The following HK1 variants were observed in gnomAD, a reference collection of about 807,000 sequenced individuals.
The protein encoded by HK1 is hexokinase-1.
A neutral mutation model predicts 91.6 loss-of-function variants in HK1; 28 were observed. That is an observed-to-expected ratio of 0.31 (90% confidence interval 0.23 to 0.42). The LOEUF is 0.42. Ranked by LOEUF, HK1 falls within the 10% of genes least tolerant of loss-of-function variation. The pLI is 1.00. For synonymous variants in HK1, 430 were observed against 468.1 expected (o/e 0.92, Z 1.05); for missense variants, 770 against 1,219.8 (o/e 0.63, Z 5.49).
chr10:69,349,893 T>C (rs1015050733), intron 2 of HK1, among the ~76,000 whole-genome samples: 1 of 152,212 alleles, frequency 6.6e-6, no homozygotes, highest in Non-Finnish European at 1.5e-5. Flanking sequence ...AAAAAGAGAA[T>C]TCTAGTTTCC....
intron 1 of HK1, among the ~76,000 whole-genome samples, chr10:69,341,481 T>C (rs551515185): frequency 2.3e-4 from 35 of 151,990 alleles, no homozygotes; most frequent in African/African-American, 8.2e-4. Context: ...TTTTTTTTTT[T>C]TTAGAGACAG....
At chr10:69,273,489 T>C (rs866234883) in intron 1 of HK1, among the ~76,000 whole-genome samples, 6 of 152,226 alleles carry the variant, frequency 3.9e-5, no homozygotes, top group South Asian at 2.1e-4. Context: ...GTGCTAGGAT[T>C]ACAGGCATGA....
chr10:69,281,287 C>T (rs1844734812), intron 1 of HK1, among the ~76,000 whole-genome samples: 1 of 152,214 alleles, frequency 6.6e-6, no homozygotes, highest in Admixed American at 6.5e-5. Context: ...CCACCTAATG[C>T]TGTTGTTACT....
chr10:69,394,847 C>T (rs550721866), intron 15 of HK1, 103 bp from the exon 16 acceptor site: 36 of 1,155,512 alleles, frequency 3.1e-5, no homozygotes, highest in Non-Finnish European at 4.1e-5. Flanking sequence ...GTTGATGATG[C>T]GCTTGAGGGG....
chr10:69,297,109 C>T (rs759838734), intron 4 of HK1, among the ~76,000 whole-genome samples: 18 of 152,326 alleles, frequency 1.2e-4, no homozygotes, highest in South Asian at 4.1e-4. Context: ...ACTGCTAAAA[C>T]TACTGTTGAC....
At chr10:69,310,420 CAAAAAAAAAA>C (rs745830600) in intron 5 of HK1, among the ~76,000 whole-genome samples, 1 of 85,386 alleles carries the variant, frequency 1.2e-5, no homozygotes, top group East Asian at 3.6e-4. Context: ...GACTTTGTCT[CAAAAAAAAAA>C]AAAAAAAAAA....
intron 1 of HK1, among the ~76,000 whole-genome samples, chr10:69,339,888 A>G (rs1848206336): frequency 6.6e-6 from 1 of 152,232 alleles, no homozygotes; most frequent in African/African-American, 2.4e-5. Flanking sequence ...GCTTTGAACT[A>G]ATCACTTAGC....
chr10:69,386,471 A>G, intron 13 of HK1, 53 bp downstream of exon 13: 1 of 1,412,044 alleles, frequency 7.1e-7, no homozygotes, highest in Non-Finnish European at 9.9e-7. Flanking sequence ...GGGGCTTCTA[A>G]AAAGTGTATT....
intron 1 of HK1, among the ~76,000 whole-genome samples, chr10:69,324,627 T>C (rs971678671): frequency 6.6e-6 from 1 of 152,188 alleles, no homozygotes; most frequent in African/African-American, 2.4e-5. Context: ...GTGTTATATG[T>C]GCAAAGCATA....
chr10:69,381,542 TA>T (rs1187833363), intron 9 of HK1, among the ~76,000 whole-genome samples: 2 of 148,392 alleles, frequency 1.3e-5, no homozygotes, highest in African/African-American at 2.6e-5. Flanking sequence ...TATATCATCT[TA>T]ACCTTTTTTT....
At chr10:69,313,189 G>A (rs1189862824), upstream of HK1, among the ~76,000 whole-genome samples, 1 of 152,218 alleles carries the variant, frequency 6.6e-6, no homozygotes, top group Non-Finnish European at 1.5e-5. Flanking sequence ...CTTTTTGCCG[G>A]TAAATTCCCA....
chr10:69,291,103 T>G (rs1298020550), intron 3 of HK1, among the ~76,000 whole-genome samples: 1 of 152,232 alleles, frequency 6.6e-6, no homozygotes, highest in Non-Finnish European at 1.5e-5. Context: ...GCCCCCTTCT[T>G]GTGCCCCTGC....
intron 1 of HK1, among the ~76,000 whole-genome samples, chr10:69,341,285 C>T (rs993713328): frequency 8.6e-5 from 13 of 152,006 alleles, no homozygotes; most frequent in African/African-American, 2.9e-4. Flanking sequence ...CCTCAGTCTC[C>T]CGAGTAGCTG....
intron 17 of HK1, 55 bp from the exon 18 acceptor site, chr10:69,400,936 G>A: frequency 6.2e-7 from 1 of 1,603,210 alleles, no homozygotes. Flanking sequence ...TTTTCGGGTA[G>A]GCCCAGCGTC....
intron 2 of HK1, among the ~76,000 whole-genome samples, chr10:69,286,763 G>C (rs1350951712): frequency 1.3e-5 from 2 of 151,996 alleles, no homozygotes; most frequent in African/African-American, 4.8e-5. Context: ...GGTCAGGCTG[G>C]TCTCGAACTC....
Position 69,283,688 on chromosome 10 carries a change from C to T in HK1, c.-215+984C>T, listed in dbSNP as rs970132987. Among the ~76,000 whole-genome samples the T allele has an allele frequency of 8.2e-5, 12 of 146,492 alleles. 1 individual carries two copies. Among genetic ancestry groups the T allele is most frequent in the South Asian group, 2.1e-4 (1 of 4,690 alleles). ...CCCAGCTACTCAGGAGACTGAGGGA[C>T]GAGAATCGCTTGAACACAGGAGGCG... On this transcript the variant is annotated intron_variant, in intron 2 of 21. Transcript: ENST00000360289.
chr10:69,346,322 G>A (rs1182012537), intron 2 of HK1, among the ~76,000 whole-genome samples: 1 of 152,208 alleles, frequency 6.6e-6, no homozygotes, highest in Admixed American at 6.5e-5. Context: ...TGCCTAAGTG[G>A]TGATGTGATT....
In HK1 at chr10:69,382,716, C is replaced by T; in HGVS notation, c.1495C>T (p.Leu499=). 6.2e-7 allele frequency: 1 copy of T among 1,613,540 alleles called. No individual in the cohort carries two copies. The highest frequency in any genetic ancestry group is 8.5e-7 in the Non-Finnish European group (1 of 1,179,928). Residue 499 remains leucine, a synonymous_variant, in exon 10 of 18, where the codon CTG becomes TTG. Transcript: ENST00000359426. ...GATGCGGGCCGAGATGGAGCTGGGG[C>T]TGAGGAAGCAGACGCACAACAATGC... ...KRMRAEMELG[L]RKQTHNNAVV... is the part of the protein sequence containing the mutation.
intron 3 of HK1, among the ~76,000 whole-genome samples, chr10:69,362,754 C>G (rs1200526153): frequency 6.6e-6 from 1 of 152,202 alleles, no homozygotes; most frequent in Non-Finnish European, 1.5e-5. Flanking sequence ...GAGTCTGGAG[C>G]CTCCGAGTGC....
Sources: allele counts gnomAD v4.1 joint callset (sites outside exome capture counted in the v4.1 genomes callset), GRCh38; gene constraint gnomAD v4.1.1; transcripts MANE v1.5; gene names NCBI Gene and HGNC (gene_info 2026-07-23, HGNC 2026-07-21).